SCRT2: variants seen among roughly 807,000 people sequenced by gnomAD.
SCRT2 encodes transcriptional repressor scratch 2.
In SCRT2, 2 loss-of-function variants were observed where a neutral mutation model predicts 3.7. That is an observed-to-expected ratio of 0.54 (90% CI 0.22 to 1.70). SCRT2 has a LOEUF of 1.70. SCRT2 is among the 40% of genes most tolerant of loss of function. The pLI is 0.19. For missense variants in SCRT2, 456 were observed against 468.5 expected, an observed-to-expected ratio of 0.97 and a Z score of 0.25; for synonymous variants, 256 against 220.6, an observed-to-expected ratio of 1.16 and a Z score of -1.42.
At chr20:674,473 C>A (rs1233865875) in intron 1 of SCRT2, among the ~76,000 whole-genome samples, 1 of 150,944 alleles carries the variant, frequency 6.6e-6, no homozygotes, top group Non-Finnish European at 1.5e-5. Flanking sequence ...TGTCAGATCT[C>A]TCACTACCAA....
At position 663,896 on chromosome 20, in the gene SCRT2, C is replaced by G; in HGVS notation, c.699G>C (p.Ser233=). 1.2e-6 allele frequency: 2 copies of G among 1,604,306 alleles called. No homozygotes were observed. Among genetic ancestry groups the G allele is most frequent in the East Asian group, 2.2e-5 (1 of 44,632 alleles). ...RPWLLQGHMR[S]HTGEKPFGCA... ...AGCCGAACGGCTTTTCGCCGGTGTG[C>G]GAGCGCATGTGACCCTGCAGCAGCC... Residue 233 remains serine, a synonymous_variant, in exon 2 of 2, where the codon TCG becomes TCC. Transcript: ENST00000246104. The surrounding 1 kb of genome is among the most constrained non-coding windows in gnomAD (Gnocchi z 6.9).
At position 663,806 on chromosome 20, in the gene SCRT2, C is replaced by G. The variant is rs1984047453; in HGVS notation, c.789G>C (p.Ser263=). The G allele has an allele frequency of 2.5e-6, 4 of 1,595,836 alleles. No homozygotes were observed. The highest frequency in any genetic ancestry group is 3.4e-6 in the Non-Finnish European group (4 of 1,173,338). Residue 263 remains serine (S), a synonymous_variant, in exon 2 of 2, where the codon TCG becomes TCC. Transcript: ENST00000246104. The surrounding 1 kb of genome is among the most constrained non-coding windows in gnomAD (Gnocchi z 6.9). ...SNLRAHMQTH[S]AFKHYRCRQC... ...GGCGGCAGCGGTAGTGCTTGAAGGCCGAGTGCGTCTGCATGTGCGCGCGCA... is the reference window on the plus strand; with the variant it reads ...GGCGGCAGCGGTAGTGCTTGAAGGCGGAGTGCGTCTGCATGTGCGCGCGCA...
chr20:669,285 G>C (rs912657058), intron 1 of SCRT2, among the ~76,000 whole-genome samples: 2 of 152,198 alleles, frequency 1.3e-5, no homozygotes, highest in Admixed American at 1.3e-4. Flanking sequence ...TAAATGCTTT[G>C]TGCACATTAG....
Position 663,845 on chromosome 20 carries a change from G to C in SCRT2, c.750C>G (p.Ala250=). The C allele has an allele frequency of 6.3e-7, 1 of 1,597,718 alleles. No homozygotes were observed. Among genetic ancestry groups the C allele is most frequent in the South Asian group, 1.1e-5 (1 of 89,278 alleles). The change falls in exon 2 of 2, where the codon GCC becomes GCG. Residue 250 remains alanine, a synonymous_variant. Coordinates refer to ENST00000246104, the MANE Select transcript of SCRT2 (RefSeq NM_033129.4). This position sits in a 1 kb window ranked among gnomAD's most constrained non-coding sequence, Gnocchi z 6.9. ...FGCAHCGKAF[A]DRSNLRAHMQ... ...TGTGCGCGCGCAGGTTGGAGCGGTC[G>C]GCGAAGGCCTTGCCGCAGTGCGCGC...
At chr20:674,539 C>G (rs1228808069) in intron 1 of SCRT2, among the ~76,000 whole-genome samples, 2 of 152,286 alleles carry the variant, frequency 1.3e-5, no homozygotes, top group South Asian at 4.1e-4. Flanking sequence ...GGGAGAACCC[C>G]TTTGTGATCC....
rs1306982486 is a variant in SCRT2, at chr20:661,645, C to T, written c.*2026G>A. On this transcript the variant is annotated 3_prime_UTR_variant, in exon 2 of 2. Transcript: ENST00000246104. ...TCCCTGAATTGCGTTACAAGTAATA[C>T]TGCTGGAGGTGGGGAAGGGATGGGG... is the stretch of plus-strand genomic sequence containing the variant. The T allele has an allele frequency of 6.6e-6, 1 of 152,664 alleles. No homozygotes were observed. The highest frequency in any genetic ancestry group is 2.4e-5 in the African/African-American group (1 of 41,440). 9.5% of individuals were successfully genotyped at this position (152,664 alleles called of 1,614,324 possible).
chr20:663,827 G>C lies in SCRT2; in HGVS notation c.768C>G (p.Arg256=). 1 of 1,598,030 alleles carries C rather than the reference G, an allele frequency of 6.3e-7. No individual in the cohort carries two copies. The highest frequency in any genetic ancestry group is 8.5e-7 in the Non-Finnish European group (1 of 1,174,460). The part of the protein sequence containing the change: ...GKAFADRSNL[R]AHMQTHSAFK... Reference sequence around the variant, plus strand: ...AGGCCGAGTGCGTCTGCATGTGCGCGCGCAGGTTGGAGCGGTCGGCGAAGG... The same window carrying C: ...AGGCCGAGTGCGTCTGCATGTGCGCCCGCAGGTTGGAGCGGTCGGCGAAGG... The change falls in exon 2 of 2, where the codon CGC becomes CGG. Residue 256 remains arginine (R), a synonymous_variant. Coordinates refer to ENST00000246104, the MANE Select transcript of SCRT2 (RefSeq NM_033129.4). This position sits in a 1 kb window ranked among gnomAD's most constrained non-coding sequence, Gnocchi z 6.9.
rs1166388958 is a variant in SCRT2 at position 665,136 on chromosome 20, T to C, written c.134-675A>G. On this transcript the variant is annotated intron_variant, in intron 1 of 1. Transcript: ENST00000246104. This position sits in a 1 kb window ranked among gnomAD's most constrained non-coding sequence, Gnocchi z 5.0. ...TGATGTGTAAGGAAATGAACAAAGG[T>C]GGGGGAGCATACAGTAATTGCTATA... 6.6e-6 allele frequency among the ~76,000 whole-genome samples: 1 copy of C among 152,114 alleles called. No homozygotes were observed. The highest frequency in any genetic ancestry group is 2.1e-4 in the South Asian group (1 of 4,816).
Position 664,178 on chromosome 20 carries a change from C to T in SCRT2, c.417G>A (p.Gly139=). 1.9e-6 allele frequency: 2 copies of T among 1,044,964 alleles called. No individual in the cohort carries two copies. Among genetic ancestry groups the T allele is most frequent in the South Asian group, 4.4e-5 (1 of 22,716 alleles). The allele number at this position is 1,044,964 out of a possible 1,614,324, so 64.7% of individuals were successfully genotyped here. A position where few individuals can be genotyped will look rare whatever the true frequency, so the allele number is the denominator to read the frequency against. Residue 139 remains glycine, a synonymous_variant, in exon 2 of 2, where the codon GGG becomes GGA. Transcript: ENST00000246104. The surrounding 1 kb of genome is among the most constrained non-coding windows in gnomAD (Gnocchi z 7.9). ...AGGSGDAGGA[G]GRAGRAGAQA... is the part of the protein sequence containing the mutation. The stretch of plus-strand genomic sequence containing the variant: ...GCGCCCCCGCGCGCCCCGCGCGCCC[C>T]CCGGCGCCCCCCGCGTCTCCCGAGC...
Position 666,789 on chromosome 20 carries a change from C to T in SCRT2, c.134-2328G>A, listed in dbSNP as rs186678007. On this transcript the variant is annotated intron_variant, in intron 1 of 1. Coordinates refer to ENST00000246104, the MANE Select transcript of SCRT2 (RefSeq NM_033129.4). The surrounding 1 kb of genome is among the most constrained non-coding windows in gnomAD (Gnocchi z 4.4). The stretch of plus-strand genomic sequence containing the variant: ...CCTAGCAGGACCTGGTATAGACAGT[C>T]CTGTTCACCTGGTCTCAGGGCAGGT... 1.2e-3 allele frequency among the ~76,000 whole-genome samples: 179 copies of T among 152,336 alleles called. No individual in the cohort carries two copies. The highest frequency in any genetic ancestry group is 0.01 in the Middle Eastern group (3 of 294).
At chr20:670,290 G>T (rs1398852815) in intron 1 of SCRT2, among the ~76,000 whole-genome samples, 1 of 152,176 alleles carries the variant, frequency 6.6e-6, no homozygotes, top group Non-Finnish European at 1.5e-5. Context: ...GGTGTGTTGT[G>T]CAGTGCTCCA....
At chr20:671,955 A>G (rs748959762) in intron 1 of SCRT2, among the ~76,000 whole-genome samples, 2 of 152,106 alleles carry the variant, frequency 1.3e-5, no homozygotes, top group Admixed American at 6.5e-5. Flanking sequence ...ACTGACATGC[A>G]TGTGGGTGGG....
chr20:673,074 C>G (rs1984398072), intron 1 of SCRT2, among the ~76,000 whole-genome samples: 1 of 152,170 alleles, frequency 6.6e-6, no homozygotes, highest in Non-Finnish European at 1.5e-5. Flanking sequence ...CCAGTCATAC[C>G]TAGGCTTGGT....
rs902956209 is a variant in SCRT2, at chr20:667,090, C to G, written c.134-2629G>C. Among the ~76,000 whole-genome samples, 2 of 152,162 alleles carry G rather than the reference C, an allele frequency of 1.3e-5. No individual in the cohort carries two copies. Among genetic ancestry groups the G allele is most frequent in the Non-Finnish European group, 2.9e-5 (2 of 68,036 alleles). On this transcript the variant is annotated intron_variant, in intron 1 of 1. Coordinates refer to ENST00000246104, the MANE Select transcript of SCRT2 (RefSeq NM_033129.4). The surrounding 1 kb of genome is among the most constrained non-coding windows in gnomAD (Gnocchi z 4.4). ...TGACCTTGGCCAAACGATTTGGCCT[C>G]TGTGTGACTCTACCGTTTCAGTAAG...
intron 1 of SCRT2, among the ~76,000 whole-genome samples, chr20:674,655 G>A (rs1240521097): frequency 6.6e-6 from 1 of 151,228 alleles, no homozygotes; most frequent in Non-Finnish European, 1.5e-5. Context: ...TCAAACCCTT[G>A]TCCCTGCAGG....
Position 663,470 on chromosome 20 carries a change from G to C in SCRT2, c.*201C>G. Reference sequence around the variant, plus strand: ...GGCCGGAAAGGATGAAGTGGGTCGGGGGACGCTGGGGAAGACGGTGTGGAA... The same window carrying C: ...GGCCGGAAAGGATGAAGTGGGTCGGCGGACGCTGGGGAAGACGGTGTGGAA... On this transcript the variant is annotated 3_prime_UTR_variant, in exon 2 of 2. Coordinates refer to ENST00000246104, the MANE Select transcript of SCRT2 (RefSeq NM_033129.4). The surrounding 1 kb of genome is among the most constrained non-coding windows in gnomAD (Gnocchi z 6.9). 1 of 435,814 alleles carries C rather than the reference G, an allele frequency of 2.3e-6. No individual in the cohort carries two copies. The highest frequency in any genetic ancestry group is 4.0e-5 in the East Asian group (1 of 25,208). The allele number at this position is 435,814 out of a possible 1,614,324, so 27.0% of individuals were successfully genotyped here. A position where few individuals can be genotyped will look rare whatever the true frequency, so the allele number is the denominator to read the frequency against.
In SCRT2 at chr20:663,943, C is replaced by T. The variant is rs1340527087; in HGVS notation, c.652G>A (p.Gly218Ser). Reference sequence around the variant, plus strand: ...AGCCAGGGCCGCGAGAAGGCCTTGCCGCAGACGCCGCACTTGTGGCGCAGG... The same window carrying T: ...AGCCAGGGCCGCGAGAAGGCCTTGCTGCAGACGCCGCACTTGTGGCGCAGG... ...HNLRHKCGVC[G>S]KAFSRPWLLQ... The change falls in exon 2 of 2, where the codon GGC becomes AGC. Residue 218 changes from glycine (G) to serine (S), a missense_variant. By Grantham distance (56) the Gly-to-Ser change is moderately conservative. Transcript: ENST00000246104. This position sits in a 1 kb window ranked among gnomAD's most constrained non-coding sequence, Gnocchi z 6.9. 6.2e-7 allele frequency: 1 copy of T among 1,609,106 alleles called. No homozygotes were observed. The highest frequency in any genetic ancestry group is 2.2e-5 in the East Asian group (1 of 44,836).
At position 662,798 on chromosome 20, in the gene SCRT2, C is replaced by T. The variant is rs924736847; in HGVS notation, c.*873G>A. The T allele has an allele frequency of 2.6e-5, 4 of 152,700 alleles. No individual in the cohort carries two copies. The highest frequency in any genetic ancestry group is 6.5e-5 in the Admixed American group (1 of 15,272). 9.5% of individuals were successfully genotyped at this position (152,700 alleles called of 1,614,324 possible). A position where few individuals can be genotyped will look rare whatever the true frequency, so the allele number is the denominator to read the frequency against. On this transcript the variant is annotated 3_prime_UTR_variant, in exon 2 of 2. Coordinates refer to ENST00000246104, the MANE Select transcript of SCRT2 (RefSeq NM_033129.4). ...AATCTGGGGGTAGGGCAGCTCCAGA[C>T]TGTGGAAGCCCAGGTTGTGCCGGGG...
At position 663,685 on chromosome 20, in the gene SCRT2, C is replaced by T. The variant is rs1187358867; in HGVS notation, c.910G>A (p.Gly304Ser). The T allele has an allele frequency of 6.7e-7, 1 of 1,499,594 alleles. No individual in the cohort carries two copies. Among genetic ancestry groups the T allele is most frequent in the South Asian group, 1.2e-5 (1 of 80,884 alleles). The allele number at this position is 1,499,594 out of a possible 1,614,324, so 92.9% of individuals were successfully genotyped here. The change falls in exon 2 of 2, where the codon GGC (glycine) becomes AGC (serine). Residue 304 changes from glycine to serine, a missense_variant. By Grantham distance (56) the Gly-to-Ser change is moderately conservative. This residue lies in a region of SCRT2 where 144 missense variants were observed against 141.9 expected (regional missense o/e 1.01). Transcript: ENST00000246104. The surrounding 1 kb of genome is among the most constrained non-coding windows in gnomAD (Gnocchi z 6.9). ...AGGCGGAAGGCTCAGCTGGCCGGGCCGGCGGGGGTCGGCGGGGGTGGCTCG... is the reference window on the plus strand; with the variant it reads ...AGGCGGAAGGCTCAGCTGGCCGGGCTGGCGGGGGTCGGCGGGGGTGGCTCG... ...AAEPPPPTPA[G>S]PAS
Sources: gnomAD v4.1 joint callset for allele counts (sites outside exome capture counted in the v4.1 genomes callset) on GRCh38, gnomAD v4.1.1 for gene constraint, gnomAD v4.1.1 regional missense constraint, Gnocchi (gnomAD v3.1) non-coding constraint, MANE v1.5 for transcripts, NCBI Gene and HGNC (gene_info 2026-07-23, HGNC 2026-07-21) for gene names.